FNDC3A: variants seen among roughly 807,000 people sequenced by gnomAD.
FNDC3A encodes the protein fibronectin type III domain containing 3A, also known as fibronectin type-III domain-containing protein 3A.
FNDC3A carries 32 observed loss-of-function variants against 148.9 expected under a neutral mutation model. The ratio of observed to expected loss-of-function variants is 0.21; its 90% CI spans 0.16 to 0.29. FNDC3A has a LOEUF of 0.29. Ranked by LOEUF, FNDC3A falls within the 10% of genes least tolerant of loss-of-function variation. The pLI is 1.00. For synonymous variants in FNDC3A, 472 were observed against 473.6 expected, an observed-to-expected ratio of 1.00 and a Z score of 0.04; for missense variants, 1,191 against 1,452.8, an observed-to-expected ratio of 0.82 and a Z score of 2.93.
intron 1 of FNDC3A, among the ~76,000 whole-genome samples, chr13:48,985,140 G>A (rs1381556361): frequency 2.6e-5 from 4 of 152,054 alleles, no homozygotes; most frequent in East Asian, 1.9e-4. Context: ...TAAAATATTC[G>A]ACATGTAATA....
chr13:49,167,627 G>T (rs532333559), intron 9 of FNDC3A, among the ~76,000 whole-genome samples: 1 of 152,180 alleles, frequency 6.6e-6, no homozygotes, highest in East Asian at 1.9e-4. Flanking sequence ...GATTGCTTGA[G>T]CCCAGGAGGT....
In FNDC3A at chr13:48,976,164, G is replaced by C. The variant is rs1273397175; in HGVS notation, c.-53G>C. 2 of 152,280 alleles carry C rather than the reference G, an allele frequency of 1.3e-5. No individual in the cohort carries two copies. The highest frequency in any genetic ancestry group is 2.9e-5 in the Non-Finnish European group (2 of 68,130). The allele number at this position is 152,280 out of a possible 1,614,324, so 9.4% of individuals were successfully genotyped here. Reference sequence around the variant, plus strand: ...GAGGAGCCGCCTTCTGCCTCAGAACGGCGTGACTCGGAGGTGAGAGCGCGG... The same window carrying C: ...GAGGAGCCGCCTTCTGCCTCAGAACCGCGTGACTCGGAGGTGAGAGCGCGG... On this transcript the variant is annotated 5_prime_UTR_variant, in exon 1 of 26. Transcript: ENST00000492622.
intron 2 of FNDC3A, among the ~76,000 whole-genome samples, chr13:49,070,890 T>TG (rs1555287081): frequency 7.6e-5 from 11 of 145,016 alleles, no homozygotes; most frequent in African/African-American, 2.6e-4. Context: ...TCTTTTTTTT[T>TG]TTTGTTTTGT....
chr13:49,197,690 A>G (rs760628514), intron 20 of FNDC3A, 35 bp from the exon 21 acceptor site: 1 of 1,566,670 alleles, frequency 6.4e-7, no homozygotes, highest in Admixed American at 2.2e-5. Flanking sequence ...AATCAACATC[A>G]AGACTAAGAC....
chr13:49,165,409 T>C lies in FNDC3A; in HGVS notation c.978-1835T>C, dbSNP rs4294713. On this transcript the variant is annotated intron_variant, in intron 8 of 25. Transcript: ENST00000492622. The stretch of plus-strand genomic sequence containing the variant: ...TTGATTCAGGGTACATGCTGAAGTG[T>C]AGTCTTTGTATAACTTCTGCTATAA... Among the ~76,000 whole-genome samples the C allele has an allele frequency of 3.5e-3, 532 of 152,338 alleles. 2 individuals carry two copies. Among genetic ancestry groups the C allele is most frequent in the Non-Finnish European group, 5.7e-3 (386 of 68,030 alleles).
intron 13 of FNDC3A, among the ~76,000 whole-genome samples, chr13:49,177,713 C>T (rs977326709): frequency 6.6e-6 from 1 of 152,086 alleles, no homozygotes; most frequent in African/African-American, 2.4e-5. Context: ...AAAAAGAGTA[C>T]CAGTATATGC....
intron 2 of FNDC3A, among the ~76,000 whole-genome samples, chr13:49,060,907 G>A (rs1876637014): frequency 2.0e-5 from 3 of 152,154 alleles, no homozygotes; most frequent in African/African-American, 7.2e-5. Context: ...TGTTTTGGAA[G>A]TATACATGGA....
At chr13:49,121,637 T>C (rs527465635) in intron 4 of FNDC3A, among the ~76,000 whole-genome samples, 1 of 151,862 alleles carries the variant, frequency 6.6e-6, no homozygotes, top group African/African-American at 2.4e-5. Flanking sequence ...GAGAACCAAA[T>C]AGACACAATA....
At chr13:49,153,119 G>A (rs1252432202) in intron 8 of FNDC3A, among the ~76,000 whole-genome samples, 1 of 151,940 alleles carries the variant, frequency 6.6e-6, no homozygotes, top group Non-Finnish European at 1.5e-5. Context: ...GGTTGAACTA[G>A]TTTACAGTCC....
At chr13:49,058,259 G>A (rs555580979) in intron 2 of FNDC3A, among the ~76,000 whole-genome samples, 2 of 152,264 alleles carry the variant, frequency 1.3e-5, no homozygotes, top group African/African-American at 4.8e-5. Flanking sequence ...CAGGAGGTAT[G>A]TGACTGGGGA....
intron 2 of FNDC3A, among the ~76,000 whole-genome samples, chr13:49,031,111 G>T (rs1295759154): frequency 2.6e-5 from 4 of 152,184 alleles, no homozygotes; most frequent in African/African-American, 9.7e-5. Context: ...TGCAGACTGG[G>T]TGCAATGGCT....
intron 8 of FNDC3A, among the ~76,000 whole-genome samples, chr13:49,147,164 G>T (rs1240134521): frequency 6.6e-6 from 1 of 152,096 alleles, no homozygotes; most frequent in African/African-American, 2.4e-5. Context: ...GGGTAAGTAG[G>T]GGATAAAGGA....
chr13:49,094,057 G>A (rs963490863), intron 3 of FNDC3A, among the ~76,000 whole-genome samples: 1 of 152,166 alleles, frequency 6.6e-6, no homozygotes, highest in Non-Finnish European at 1.5e-5. Context: ...GAGTATGAGA[G>A]TTTGAAAAAG....
intron 2 of FNDC3A, among the ~76,000 whole-genome samples, chr13:49,008,257 A>G (rs1472206687): frequency 6.6e-6 from 1 of 152,164 alleles, no homozygotes; most frequent in Non-Finnish European, 1.5e-5. Flanking sequence ...GAGTGAACCA[A>G]TAGCTATGAT....
chr13:49,160,509 TTTC>T (rs1313622035), intron 8 of FNDC3A, among the ~76,000 whole-genome samples: 1 of 151,770 alleles, frequency 6.6e-6, no homozygotes, highest in Non-Finnish European at 1.5e-5. Context: ...TCTTCTCTCT[TTTC>T]TTCTTTATTA....
intron 20 of FNDC3A, 49 bp from the exon 21 acceptor site, chr13:49,197,676 A>G (rs1886219025): frequency 6.5e-7 from 1 of 1,531,550 alleles, no homozygotes; most frequent in African/African-American, 1.4e-5. Context: ...GCCAAAAGCT[A>G]TTTAATCAAC....
intron 2 of FNDC3A, among the ~76,000 whole-genome samples, chr13:49,050,775 A>T (rs575572204): frequency 6.6e-6 from 1 of 152,202 alleles, no homozygotes; most frequent in African/African-American, 2.4e-5. Context: ...GTTGCCGTCT[A>T]TCTCATTTCT....
At chr13:49,031,867 C>T (rs1239016600) in intron 2 of FNDC3A, among the ~76,000 whole-genome samples, 1 of 152,022 alleles carries the variant, frequency 6.6e-6, no homozygotes, top group Non-Finnish European at 1.5e-5. Context: ...AGGAAAAAAT[C>T]CATAAAATTG....
At chr13:49,126,057 A>G (rs908794972) in intron 4 of FNDC3A, among the ~76,000 whole-genome samples, 12 of 152,040 alleles carry the variant, frequency 7.9e-5, no homozygotes, top group African/African-American at 2.9e-4. Context: ...CATCACAACC[A>G]GTGTACCCTG....
Sources: allele counts gnomAD v4.1 joint callset (sites outside exome capture counted in the v4.1 genomes callset), GRCh38; gene constraint gnomAD v4.1.1; transcripts MANE v1.5; gene names NCBI Gene and HGNC (gene_info 2026-07-23, HGNC 2026-07-21).